Variants in ZNF148 observed in about 807,000 individuals in gnomAD.
The protein encoded by ZNF148 is zinc finger protein 148, also known as Beta-Enolase Repressor Factor-1.
In ZNF148, 7 loss-of-function variants were observed where a neutral mutation model predicts 67.7. The ratio of observed to expected loss-of-function variants is 0.10; its 90% CI spans 0.06 to 0.19. The LOEUF is 0.19. Ranked by LOEUF, ZNF148 falls within the 10% of genes least tolerant of loss-of-function variation. The pLI, the probability that ZNF148 is intolerant of heterozygous loss-of-function variation, is 1.00. For synonymous variants in ZNF148, 333 were observed against 330.7 expected (o/e 1.01, Z -0.08); for missense variants, 583 against 947.1 (o/e 0.62, Z 5.05).
chr3:125,345,054 T>C (rs895403864), intron 1 of ZNF148, among the ~76,000 whole-genome samples: 3 of 152,100 alleles, frequency 2.0e-5, no homozygotes, highest in African/African-American at 7.2e-5. Flanking sequence ...AATAACACAA[T>C]CAACCAACAT....
At chr3:125,319,246 A>C (rs1195357726) in intron 3 of ZNF148, among the ~76,000 whole-genome samples, 1 of 152,202 alleles carries the variant, frequency 6.6e-6, no homozygotes, top group Non-Finnish European at 1.5e-5. Context: ...GTAATTAAAA[A>C]CTAAGCTTTA....
chr3:125,348,255 T>G (rs1475450580), intron 1 of ZNF148, among the ~76,000 whole-genome samples: 1 of 151,132 alleles, frequency 6.6e-6, no homozygotes, highest in African/African-American at 2.4e-5. Context: ...CAAGACCTTG[T>G]CTCCAAGAAA....
At chr3:125,313,257 T>A (rs1560163236) in intron 4 of ZNF148, 51 bp downstream of exon 4, 4 of 1,488,248 alleles carry the variant, frequency 2.7e-6, no homozygotes, top group Non-Finnish European at 2.7e-6. Context: ...CAGTATTACG[T>A]AACAAAAAAT....
intron 7 of ZNF148, among the ~76,000 whole-genome samples, chr3:125,250,570 A>G (rs1382719077): frequency 6.6e-6 from 1 of 152,244 alleles, no homozygotes; most frequent in East Asian, 1.9e-4. Context: ...AAAAAAATGT[A>G]GACCAATAAT....
chr3:125,325,547 C>T (rs1457497799), intron 2 of ZNF148, among the ~76,000 whole-genome samples: 1 of 152,056 alleles, frequency 6.6e-6, no homozygotes, highest in Non-Finnish European at 1.5e-5. Flanking sequence ...CTCAGTGCAA[C>T]CTCTGCCTCC....
chr3:125,304,608 G>A (rs1939775025), intron 4 of ZNF148, among the ~76,000 whole-genome samples: 1 of 152,130 alleles, frequency 6.6e-6, no homozygotes, highest in Admixed American at 6.5e-5. Flanking sequence ...ACCGTCTAAT[G>A]TACTCTGCTG....
intron 4 of ZNF148, among the ~76,000 whole-genome samples, chr3:125,303,665 C>T (rs1939718601): frequency 6.6e-6 from 1 of 152,076 alleles, no homozygotes; most frequent in Non-Finnish European, 1.5e-5. Flanking sequence ...GCCCAGGGCT[C>T]CTACTGACTC....
At chr3:125,239,794 A>G (rs1936263741) in intron 7 of ZNF148, among the ~76,000 whole-genome samples, 1 of 152,244 alleles carries the variant, frequency 6.6e-6, no homozygotes, top group Non-Finnish European at 1.5e-5. Flanking sequence ...AAAATGTGAC[A>G]TATCCAACTA....
chr3:125,271,479 C>A (rs1937731626), intron 7 of ZNF148, among the ~76,000 whole-genome samples: 1 of 152,226 alleles, frequency 6.6e-6, no homozygotes, highest in African/African-American at 2.4e-5. Context: ...CTGGTTAAAA[C>A]CAAAAGTTGA....
At chr3:125,362,381 T>TA (rs764329230) in intron 1 of ZNF148, among the ~76,000 whole-genome samples, 2 of 152,144 alleles carry the variant, frequency 1.3e-5, no homozygotes, top group Non-Finnish European at 2.9e-5. Context: ...CTAAACTTCT[T>TA]TAATCAATTC....
chr3:125,328,998 GATATATAT>G (rs10565589), intron 2 of ZNF148, among the ~76,000 whole-genome samples: 1 of 147,420 alleles, frequency 6.8e-6, no homozygotes, highest in African/African-American at 2.5e-5. Flanking sequence ...TTATACTACT[GATATATAT>G]ATATATATAT....
intron 1 of ZNF148, among the ~76,000 whole-genome samples, chr3:125,371,219 G>T (rs922542323): frequency 5.3e-5 from 8 of 151,900 alleles, no homozygotes; most frequent in African/African-American, 1.9e-4. Context: ...AGCTGGGAGT[G>T]GTGGCTCATG....
At chr3:125,277,442 A>G (rs1938136162) in intron 7 of ZNF148, among the ~76,000 whole-genome samples, 1 of 152,144 alleles carries the variant, frequency 6.6e-6, no homozygotes, top group Admixed American at 6.5e-5. Context: ...TTCAGTAAAC[A>G]CCTAAGGAAA....
chr3:125,329,528 T>G (rs2107708367), intron 2 of ZNF148, among the ~76,000 whole-genome samples: 1 of 151,840 alleles, frequency 6.6e-6, no homozygotes, highest in East Asian at 1.9e-4. Context: ...TGGCTAATTT[T>G]TGTATTTTTA....
At position 125,288,085 on chromosome 3, in the gene ZNF148, C is replaced by T; in HGVS notation, c.459+18G>A. 1.2e-6 allele frequency: 2 copies of T among 1,613,632 alleles called. No homozygotes were observed. The highest frequency in any genetic ancestry group is 1.7e-6 in the Non-Finnish European group (2 of 1,179,754). On this transcript the variant is annotated intron_variant, in intron 5 of 8. Transcript: ENST00000360647. ...GGAATTAAGAGGTTGTGATTACCAC[C>T]TTAATACATTGTCTTACTTTTGCGG...
At chr3:125,279,370 T>C in intron 5 of ZNF148, 123 bp from the exon 6 acceptor site, 1 of 829,944 alleles carries the variant, frequency 1.2e-6, no homozygotes, top group Non-Finnish European at 1.7e-6. Flanking sequence ...ATTTTGTTCT[T>C]AAATGATCTT....
At chr3:125,365,653 CAA>C (rs751323318) in intron 1 of ZNF148, among the ~76,000 whole-genome samples, 2 of 151,642 alleles carry the variant, frequency 1.3e-5, no homozygotes, top group Admixed American at 6.6e-5. Context: ...CACATCTCTA[CAA>C]AAAAAATTGA....
intron 7 of ZNF148, among the ~76,000 whole-genome samples, chr3:125,260,711 C>T (rs952063935): frequency 6.6e-6 from 1 of 152,084 alleles, no homozygotes; most frequent in African/African-American, 2.4e-5. Context: ...TCAACACGCA[C>T]AGAACTATAC....
At chr3:125,339,897 A>G (rs1356895317) in intron 1 of ZNF148, among the ~76,000 whole-genome samples, 4 of 152,192 alleles carry the variant, frequency 2.6e-5, no homozygotes, top group East Asian at 1.9e-4. Flanking sequence ...ATGGCCGTAG[A>G]CAATATATAC....
Sources: allele counts gnomAD v4.1 joint callset (sites outside exome capture counted in the v4.1 genomes callset), GRCh38; gene constraint gnomAD v4.1.1; transcripts MANE v1.5; gene names NCBI Gene and HGNC (gene_info 2026-07-23, HGNC 2026-07-21).